PDE7B: variants seen among roughly 807,000 people sequenced by gnomAD.
PDE7B encodes phosphodiesterase 7B.
In PDE7B, 29 loss-of-function variants were observed where a neutral mutation model predicts 56.2. That is an observed-to-expected ratio of 0.52 (90% CI 0.38 to 0.70). The LOEUF (loss-of-function observed/expected upper bound fraction) is 0.70, where lower values mean the gene tolerates loss of function less well. Among genes scored for constraint, PDE7B ranks in the 30% least tolerant of loss-of-function variants. The pLI is 0.00. For missense variants in PDE7B, 490 were observed against 565.0 expected (o/e 0.87, Z 1.35); for synonymous variants, 197 against 196.9 (o/e 1.00, Z 0.00).
rs1466814725 is a variant in PDE7B, at chr6:136,178,354, G to A, written c.804-643G>A. Reference sequence around the variant, plus strand: ...TAAATTTTACAAATATTTATGGATTGTTCCTTTATTACTTTTTATATGTGA... The same window carrying A: ...TAAATTTTACAAATATTTATGGATTATTCCTTTATTACTTTTTATATGTGA... On this transcript the variant is annotated intron_variant, in intron 9 of 12. Transcript: ENST00000308191. Among the ~76,000 whole-genome samples the A allele has an allele frequency of 2.0e-5, 3 of 152,158 alleles. No individual in the cohort carries two copies. In the South Asian group the frequency reaches 6.2e-4, roughly 32 times the overall value.
intron 6 of PDE7B, among the ~76,000 whole-genome samples, chr6:136,153,393 G>A (rs193130242): frequency 1.8e-3 from 277 of 152,296 alleles, no homozygotes; most frequent in African/African-American, 6.1e-3. Flanking sequence ...GTTATGAGCT[G>A]AAGCAGGTTA....
chr6:135,883,100 C>A (rs1347181036), intron 1 of PDE7B, among the ~76,000 whole-genome samples: 1 of 152,138 alleles, frequency 6.6e-6, no homozygotes, highest in Non-Finnish European at 1.5e-5. Flanking sequence ...TAATACACTC[C>A]ATTTGGTCAA....
intron 2 of PDE7B, among the ~76,000 whole-genome samples, chr6:136,089,224 A>T (rs1018782593): frequency 6.6e-6 from 1 of 152,166 alleles, no homozygotes; most frequent in Non-Finnish European, 1.5e-5. Flanking sequence ...TCATAACAAC[A>T]CTAACCTCTG....
At chr6:135,967,469 A>C (rs944875500) in intron 2 of PDE7B, among the ~76,000 whole-genome samples, 4 of 152,170 alleles carry the variant, frequency 2.6e-5, no homozygotes, top group Non-Finnish European at 5.9e-5. Flanking sequence ...GTGAAAAATG[A>C]CTAATTGAAT....
chr6:136,065,865 A>T (rs1046376387), intron 2 of PDE7B, among the ~76,000 whole-genome samples: 17 of 152,226 alleles, frequency 1.1e-4, no homozygotes, highest in Non-Finnish European at 8.8e-5. Context: ...GATTTTAACC[A>T]CTAAGATATG....
rs551259411 is a variant in PDE7B at position 136,063,948 on chromosome 6, C to A, written c.83-44783C>A. On this transcript the variant is annotated intron_variant, in intron 2 of 12. Coordinates refer to ENST00000308191, the MANE Select transcript of PDE7B (RefSeq NM_018945.4). ...ACATAATAAATTCCCCTCCAACACCCATTTGTCCAGTCCAAGGTAGCTTCT... is the reference window on the plus strand; with the variant it reads ...ACATAATAAATTCCCCTCCAACACCAATTTGTCCAGTCCAAGGTAGCTTCT... Among the ~76,000 whole-genome samples the A allele has an allele frequency of 3.3e-5, 5 of 152,254 alleles. No homozygotes were observed. The East Asian group carries it at 7.7e-4, about 23-fold the overall frequency.
chr6:136,048,126 T>C (rs773873851), intron 2 of PDE7B, among the ~76,000 whole-genome samples: 17 of 150,426 alleles, frequency 1.1e-4, no homozygotes, highest in Non-Finnish European at 2.2e-4. Context: ...ATAGATGTGA[T>C]ATATAATATA....
At chr6:135,926,290 T>C (rs1774187710) in intron 1 of PDE7B, among the ~76,000 whole-genome samples, 1 of 152,142 alleles carries the variant, frequency 6.6e-6, no homozygotes, top group South Asian at 2.1e-4. Flanking sequence ...GGTTTCACCG[T>C]GTTAGCCAGG....
intron 3 of PDE7B, among the ~76,000 whole-genome samples, chr6:136,120,626 A>C (rs535340934): frequency 6.6e-6 from 1 of 152,136 alleles, no homozygotes; most frequent in Non-Finnish European, 1.5e-5. Context: ...CCCATCTAAC[A>C]ACTTCTCGTT....
intron 1 of PDE7B, among the ~76,000 whole-genome samples, chr6:135,856,294 C>T (rs1465815170): frequency 6.6e-6 from 1 of 152,146 alleles, no homozygotes; most frequent in Non-Finnish European, 1.5e-5. Context: ...CTGTGACACT[C>T]CTAGAGAAAG....
chr6:136,059,526 CAG>C (rs1306842927), intron 2 of PDE7B, among the ~76,000 whole-genome samples: 2 of 152,196 alleles, frequency 1.3e-5, no homozygotes, highest in African/African-American at 4.8e-5. Context: ...TCGCTTGAAA[CAG>C]AGCCCGCATT....
chr6:135,967,627 G>C (rs1775018055), intron 2 of PDE7B, among the ~76,000 whole-genome samples: 1 of 152,160 alleles, frequency 6.6e-6, no homozygotes, highest in Non-Finnish European at 1.5e-5. Context: ...AATATTCCTG[G>C]AGTCAATTTC....
At chr6:136,162,514 T>C (rs1344643989) in intron 8 of PDE7B, among the ~76,000 whole-genome samples, 2 of 152,230 alleles carry the variant, frequency 1.3e-5, no homozygotes, top group African/African-American at 2.4e-5. Context: ...AAGTTGAGAA[T>C]TGGATAGGAA....
chr6:136,168,502 A>G (rs1778831213), intron 8 of PDE7B, among the ~76,000 whole-genome samples: 1 of 152,154 alleles, frequency 6.6e-6, no homozygotes, highest in African/African-American at 2.4e-5. Flanking sequence ...TGATTGATAA[A>G]TATTTTTGTT....
intron 1 of PDE7B, among the ~76,000 whole-genome samples, chr6:135,869,093 A>C (rs1485444664): frequency 6.6e-6 from 1 of 152,184 alleles, no homozygotes; most frequent in East Asian, 1.9e-4. Flanking sequence ...TACACATATG[A>C]GGGCATAAAA....
At chr6:136,110,244 T>C (rs994553197) in intron 3 of PDE7B, among the ~76,000 whole-genome samples, 2 of 152,150 alleles carry the variant, frequency 1.3e-5, no homozygotes, top group Non-Finnish European at 2.9e-5. Context: ...CAATGCAATA[T>C]GGGATACAGC....
chr6:136,074,724 C>T (rs1028846013), intron 2 of PDE7B, among the ~76,000 whole-genome samples: 2 of 152,128 alleles, frequency 1.3e-5, no homozygotes, highest in African/African-American at 2.4e-5. Flanking sequence ...TAACGACCTC[C>T]GAGTGAATCC....
At chr6:136,032,130 T>C (rs948176691) in intron 2 of PDE7B, among the ~76,000 whole-genome samples, 2 of 152,178 alleles carry the variant, frequency 1.3e-5, no homozygotes, top group Non-Finnish European at 2.9e-5. Flanking sequence ...ATCAAAGTTA[T>C]AAAAATGTTT....
rs187499507 is a variant in PDE7B at position 135,993,458 on chromosome 6, C to T, written c.82+45934C>T. The stretch of plus-strand genomic sequence containing the variant: ...AAGCACTGATATTTTTGAAAGCTCC[C>T]CAGGTGACTCTAACGTTCAGCCAGG... On this transcript the variant is annotated intron_variant, in intron 2 of 12. Transcript: ENST00000308191. Among the ~76,000 whole-genome samples, 7 of 152,244 alleles carry T rather than the reference C, an allele frequency of 4.6e-5. No homozygotes were observed. In the East Asian group the frequency reaches 1.3e-3, roughly 29 times the overall value.
Sources: gnomAD v4.1 joint callset for allele counts (sites outside exome capture counted in the v4.1 genomes callset) on GRCh38, gnomAD v4.1.1 for gene constraint, MANE v1.5 for transcripts, NCBI Gene and HGNC (gene_info 2026-07-23, HGNC 2026-07-21) for gene names.